DDX10: variants seen among roughly 807,000 people sequenced by gnomAD.
DDX10 encodes DEAD-box helicase 10.
DDX10 carries 74 observed loss-of-function variants against 104.3 expected under a neutral mutation model. That is an observed-to-expected ratio of 0.71 (90% CI 0.59 to 0.86). The LOEUF (loss-of-function observed/expected upper bound fraction) is 0.86. Ranked by LOEUF, DDX10 falls within the 40% of genes least tolerant of loss-of-function variation. The pLI is 0.00. For missense variants in DDX10, 952 were observed against 1,040.0 expected, an observed-to-expected ratio of 0.92 and a Z score of 1.16; for synonymous variants, 351 against 353.4, an observed-to-expected ratio of 0.99 and a Z score of 0.08.
intron 13 of DDX10, among the ~76,000 whole-genome samples, chr11:108,769,818 C>T (rs1022283951): frequency 5.3e-5 from 8 of 152,080 alleles, no homozygotes; most frequent in African/African-American, 1.7e-4. Flanking sequence ...TGGGTTATAC[C>T]TATTGATATT....
chr11:108,886,515 C>G lies in DDX10; in HGVS notation c.2305-31358C>G, dbSNP rs192309014. On this transcript the variant is annotated intron_variant, in intron 16 of 17. Transcript: ENST00000322536. Reference sequence around the variant, plus strand: ...AATAGAATGTAAAAAGCCTCCTATACCCCCTGGAAATCTGAGTTCTTCTAA... The same window carrying G: ...AATAGAATGTAAAAAGCCTCCTATAGCCCCTGGAAATCTGAGTTCTTCTAA... Among the ~76,000 whole-genome samples, 117 of 152,240 alleles carry G rather than the reference C, an allele frequency of 7.7e-4. 1 individual carries two copies. The highest frequency in any genetic ancestry group is 3.9e-3 in the Admixed American group (60 of 15,296).
chr11:108,679,587 T>C, intron 6 of DDX10, 27 bp downstream of exon 6: 1 of 1,494,182 alleles, frequency 6.7e-7, no homozygotes, highest in Non-Finnish European at 9.0e-7. Flanking sequence ...TCAATCAAGA[T>C]AAATGTTTTT....
intron 13 of DDX10, among the ~76,000 whole-genome samples, chr11:108,826,570 T>C (rs1862398507): frequency 6.6e-6 from 1 of 152,346 alleles, no homozygotes; most frequent in East Asian, 1.9e-4. Context: ...GTCTTACACC[T>C]TTCTGGGTCT....
Position 108,821,263 on chromosome 11 carries a change from A to G in DDX10, c.1966-17183A>G, listed in dbSNP as rs189970292. On this transcript the variant is annotated intron_variant, in intron 13 of 17. Coordinates refer to ENST00000322536, the MANE Select transcript of DDX10 (RefSeq NM_004398.4). ...TTAACATAAATTTGCTTTTAGGGGA[A>G]GAATTTCAAGCATATTGATAGGTCT... Among the ~76,000 whole-genome samples the G allele has an allele frequency of 8.8e-4, 134 of 152,362 alleles. 1 individual carries two copies. The highest frequency in any genetic ancestry group is 3.1e-3 in the African/African-American group (131 of 41,590).
intron 13 of DDX10, among the ~76,000 whole-genome samples, chr11:108,738,771 A>G (rs528916010): frequency 6.6e-6 from 1 of 152,242 alleles, no homozygotes; most frequent in East Asian, 1.9e-4. Context: ...CTGAGATTCT[A>G]CCCTACTTGC....
At chr11:108,929,603 A>G (rs1398372098) in intron 17 of DDX10, 1 of 152,166 alleles carries the variant, frequency 6.6e-6, no homozygotes, top group Non-Finnish European at 1.5e-5. Context: ...AGTCTAGTCC[A>G]TACAGTGGCA....
At chr11:108,830,972 A>G (rs1402095204) in intron 13 of DDX10, among the ~76,000 whole-genome samples, 1 of 151,874 alleles carries the variant, frequency 6.6e-6, no homozygotes, top group Non-Finnish European at 1.5e-5. Context: ...GAGGCATTAT[A>G]CTTTGATAGC....
intron 17 of DDX10, among the ~76,000 whole-genome samples, chr11:108,933,626 C>G (rs930101315): frequency 7.2e-5 from 11 of 152,244 alleles, no homozygotes; most frequent in African/African-American, 2.4e-4. Context: ...TTCTTTTTTA[C>G]AATATAATTT....
intron 14 of DDX10, among the ~76,000 whole-genome samples, chr11:108,840,943 G>A (rs576287531): frequency 2.8e-4 from 42 of 152,306 alleles, no homozygotes; most frequent in Admixed American, 2.4e-3. Context: ...AGGAGGTACA[G>A]CCTGTGTCCT....
intron 1 of DDX10, 22 bp downstream of exon 1, chr11:108,665,361 G>C: frequency 1.3e-6 from 2 of 1,541,302 alleles, no homozygotes; most frequent in Non-Finnish European, 1.7e-6. Context: ...GCTGGGGAGG[G>C]GGCTCGGGCC....
intron 16 of DDX10, among the ~76,000 whole-genome samples, chr11:108,859,595 G>T (rs924256363): frequency 3.3e-5 from 5 of 152,182 alleles, no homozygotes; most frequent in African/African-American, 9.7e-5. Flanking sequence ...AAATCCAGGT[G>T]ATGCCCTTTA....
Position 108,723,261 on chromosome 11 carries a change from T to G in DDX10, c.1764T>G (p.Asp588Glu). The stretch of plus-strand genomic sequence containing the variant: ...AAGAACAGGAAGAAGAAGAAGACGA[T>G]GAAGAAGAAATGGAAGAGAAACTGG... Reference protein sequence around the residue: ...GNEEQEEEEDDEEEMEEKLAK... With the variant: ...GNEEQEEEEDEEEEMEEKLAK... Residue 588 changes from aspartate to glutamate, a missense_variant, in exon 13 of 18, where the codon GAT becomes GAG. Physicochemically the swap from Asp to Glu is conservative, Grantham distance 45. Coordinates refer to ENST00000322536, the MANE Select transcript of DDX10 (RefSeq NM_004398.4). 6.2e-7 allele frequency: 1 copy of G among 1,613,228 alleles called. No individual in the cohort carries two copies. Among genetic ancestry groups the G allele is most frequent in the African/African-American group, 1.3e-5 (1 of 74,942 alleles).
chr11:108,878,389 A>G (rs989181671), intron 16 of DDX10, among the ~76,000 whole-genome samples: 1 of 152,224 alleles, frequency 6.6e-6, no homozygotes. Context: ...CACCATCACT[A>G]CAGCAACAGA....
chr11:108,868,686 A>G (rs1303251114), intron 16 of DDX10, among the ~76,000 whole-genome samples: 1 of 152,004 alleles, frequency 6.6e-6, no homozygotes, highest in African/African-American at 2.4e-5. Context: ...TTATATTCCA[A>G]ATGTTTTCCT....
chr11:108,815,232 T>C (rs1262771393), intron 13 of DDX10, among the ~76,000 whole-genome samples: 4 of 152,220 alleles, frequency 2.6e-5, no homozygotes, highest in African/African-American at 9.6e-5. Flanking sequence ...ACATACAGAC[T>C]CCTTTTCCCA....
At chr11:108,701,939 A>G (rs1418836673) in intron 9 of DDX10, among the ~76,000 whole-genome samples, 1 of 151,994 alleles carries the variant, frequency 6.6e-6, no homozygotes, top group Admixed American at 6.6e-5. Context: ...ACCCGCCTGG[A>G]TCCCAAAGTG....
At chr11:108,902,522 G>A (rs1417254149) in intron 16 of DDX10, among the ~76,000 whole-genome samples, 3 of 152,128 alleles carry the variant, frequency 2.0e-5, no homozygotes, top group Admixed American at 2.0e-4. Flanking sequence ...TTTCAAATCT[G>A]AATTTATGTA....
chr11:108,815,207 T>G (rs1163376875), intron 13 of DDX10, among the ~76,000 whole-genome samples: 1 of 152,228 alleles, frequency 6.6e-6, no homozygotes, highest in Non-Finnish European at 1.5e-5. Context: ...GGGTCTTTTT[T>G]CCCTATGTAC....
intron 15 of DDX10, among the ~76,000 whole-genome samples, chr11:108,846,016 A>G (rs1158803876): frequency 6.6e-6 from 1 of 152,188 alleles, no homozygotes; most frequent in Non-Finnish European, 1.5e-5. Flanking sequence ...TCATCTACCA[A>G]GTTCTGAAAG....
Sources: gnomAD v4.1 joint callset for allele counts (sites outside exome capture counted in the v4.1 genomes callset) on GRCh38, gnomAD v4.1.1 for gene constraint, MANE v1.5 for transcripts, NCBI Gene and HGNC (gene_info 2026-07-23, HGNC 2026-07-21) for gene names.